Variants in UBAP2L observed in about 807,000 individuals in gnomAD.
The protein encoded by UBAP2L is ubiquitin-associated protein 2-like.
Under a neutral mutation model 130.6 loss-of-function variants are expected in UBAP2L, and 12 were observed. The observed-to-expected ratio is 0.09, with a 90% confidence interval of 0.06 to 0.15. The LOEUF (loss-of-function observed/expected upper bound fraction) is 0.15, where lower values mean the gene tolerates loss of function less well. UBAP2L is among the 10% of genes least tolerant of loss of function. The pLI is 1.00. For missense variants in UBAP2L, 965 were observed against 1,332.5 expected (o/e 0.72, Z 4.29); for synonymous variants, 503 against 524.7 (o/e 0.96, Z 0.57).
intron 12 of UBAP2L, 151 bp from the exon 13 acceptor site, chr1:154,250,890 C>A (rs961461698): frequency 3.2e-6 from 2 of 627,750 alleles, no homozygotes; most frequent in Non-Finnish European, 5.2e-6. Flanking sequence ...TGATTGTCAC[C>A]TATAGAAATG....
intron 2 of UBAP2L, 82 bp downstream of exon 2, chr1:154,225,295 C>T: frequency 6.8e-7 from 1 of 1,476,876 alleles, no homozygotes; most frequent in Non-Finnish European, 9.4e-7. Flanking sequence ...TCATTCTGTG[C>T]TTTGAACTGT....
chr1:154,268,925 C>A lies in UBAP2L; in HGVS notation c.3139C>A (p.Leu1047Ile). ...TPHQQPHSQI[L>I]HHHLQQDGQT... is the part of the protein sequence containing the mutation. Reference sequence around the variant, plus strand: ...CCATCAGCAGCCGCATTCTCAGATCCTTCACCATCACCTGCAGCAGGATGG... The same window carrying A: ...CCATCAGCAGCCGCATTCTCAGATCATTCACCATCACCTGCAGCAGGATGG... The change falls in exon 26 of 27, where the codon CTT becomes ATT. Residue 1047 changes from leucine (L) to isoleucine (I), a missense_variant. Transcript: ENST00000428931. 1.2e-6 allele frequency: 2 copies of A among 1,613,804 alleles called. No homozygotes were observed. Among genetic ancestry groups the A allele is most frequent in the Non-Finnish European group, 1.7e-6 (2 of 1,179,916 alleles).
intron 25 of UBAP2L, 68 bp from the exon 26 acceptor site, chr1:154,268,689 C>A: frequency 6.5e-7 from 1 of 1,529,910 alleles, no homozygotes; most frequent in Middle Eastern, 1.7e-4. Context: ...GGAGCTTGAG[C>A]TCAGGAAAAA....
chr1:154,236,493 C>T (rs1671728904), intron 6 of UBAP2L, 73 bp from the exon 7 acceptor site: 3 of 1,549,306 alleles, frequency 1.9e-6, no homozygotes, highest in Admixed American at 1.7e-5. Flanking sequence ...AGCCACTGTG[C>T]CTGCCTGGCA....
Position 154,270,482 on chromosome 1 carries a change from AT to A in UBAP2L, c.*188del, listed in dbSNP as rs1193620401. 1.4e-6 allele frequency: 2 copies of A among 1,463,224 alleles called. No homozygotes were observed. The highest frequency in any genetic ancestry group is 1.8e-6 in the Non-Finnish European group (2 of 1,113,520). 90.6% of individuals were successfully genotyped at this position (1,463,224 alleles called of 1,614,324 possible). A position where few individuals can be genotyped will look rare whatever the true frequency, so the allele number is the denominator to read the frequency against. ...CCATCCCCACCCTGTTGTATGTATT[AT>A]AGGATTTGTATTTTCTCCTTTTTTT... On this transcript the variant is annotated 3_prime_UTR_variant, in exon 27 of 27. Coordinates refer to ENST00000428931, the MANE Select transcript of UBAP2L (RefSeq NM_014847.4).
intron 7 of UBAP2L, 113 bp from the exon 8 acceptor site, chr1:154,236,909 ATG>A (rs2148660361): frequency 1.3e-6 from 1 of 791,028 alleles, no homozygotes; most frequent in Admixed American, 2.6e-5. Context: ...GGATTATAGA[ATG>A]GGGCCATGAC....
rs912405699 is a variant in UBAP2L, at chr1:154,254,479, C to T, written c.1855-357C>T. Among the ~76,000 whole-genome samples the T allele has an allele frequency of 2.3e-4, 35 of 152,122 alleles. 1 individual carries two copies. The highest frequency in any genetic ancestry group is 7.7e-4 in the East Asian group (4 of 5,192). The stretch of plus-strand genomic sequence containing the variant: ...TGGAGTGAGTGTCAGATGCAGCCAG[C>T]GGAATAGGTGGTGTGGCTGAACTGT... On this transcript the variant is annotated intron_variant, in intron 15 of 26. Transcript: ENST00000428931.
chr1:154,268,051 G>A (rs1211212284), intron 25 of UBAP2L, among the ~76,000 whole-genome samples: 3 of 151,318 alleles, frequency 2.0e-5, no homozygotes, highest in Non-Finnish European at 2.9e-5. Context: ...CACCATGCCC[G>A]GGTAATTTTG....
chr1:154,246,861 TG>T (rs142220663), intron 11 of UBAP2L, among the ~76,000 whole-genome samples: 7,781 of 152,200 alleles, frequency 0.051, 681 homozygotes, highest in African/African-American at 0.18. Context: ...TCCATTTCTA[TG>T]TAAATAGGGA....
intron 1 of UBAP2L, among the ~76,000 whole-genome samples, chr1:154,221,651 G>C (rs1164308265): frequency 1.3e-5 from 2 of 152,214 alleles, no homozygotes. Flanking sequence ...TGAGGGGGGT[G>C]AGCCTCCCAT....
In UBAP2L at chr1:154,231,670, C is replaced by T. The variant is rs146080521; in HGVS notation, c.280-2921C>T. Among the ~76,000 whole-genome samples the T allele has an allele frequency of 9.6e-3, 1,465 of 152,224 alleles. 13 individuals are homozygous for T. The highest frequency in any genetic ancestry group is 0.014 in the Non-Finnish European group (929 of 68,012). Reference sequence around the variant, plus strand: ...TAAGTGAAATCATGTAATATTTGACCTTGTATGTCTAACTTACTTCACTTA... The same window carrying T: ...TAAGTGAAATCATGTAATATTTGACTTTGTATGTCTAACTTACTTCACTTA... On this transcript the variant is annotated intron_variant, in intron 4 of 26. Transcript: ENST00000428931.
intron 14 of UBAP2L, among the ~76,000 whole-genome samples, chr1:154,253,416 G>A (rs1338697964): frequency 7.4e-6 from 1 of 135,028 alleles, no homozygotes; most frequent in Non-Finnish European, 1.5e-5. Flanking sequence ...ATGGAGTCTC[G>A]CTCTGTCACC....
At chr1:154,254,959 T>C in intron 16 of UBAP2L, 69 bp downstream of exon 16, 1 of 1,549,022 alleles carries the variant, frequency 6.5e-7, no homozygotes, top group South Asian at 1.2e-5. Context: ...GATAATCCAT[T>C]AGTTCCCTTC....
intron 22 of UBAP2L, among the ~76,000 whole-genome samples, chr1:154,260,281 G>T (rs1681095526): frequency 6.6e-6 from 1 of 152,164 alleles, no homozygotes; most frequent in African/African-American, 2.4e-5. Flanking sequence ...GCCAAGGTGG[G>T]AGAATTGCTT....
At position 154,246,333 on chromosome 1, in the gene UBAP2L, A is replaced by G. The variant is rs1675466572; in HGVS notation, c.972A>G (p.Ile324Met). The G allele has an allele frequency of 1.2e-6, 2 of 1,613,366 alleles. No homozygotes were observed. The highest frequency in any genetic ancestry group is 1.7e-6 in the Non-Finnish European group (2 of 1,179,776). ...TCAGTAATTCGAAGCAGACTGCCAT[A>G]TCACAGCCTGCTTCAGGGAACACAT... ...LVFSNSKQTA[I>M]SQPASGNTFS... The change falls in exon 11 of 27, where the codon ATA becomes ATG. Residue 324 changes from isoleucine to methionine, a missense_variant. By Grantham distance (10) the Ile-to-Met change is conservative. Coordinates refer to ENST00000428931, the MANE Select transcript of UBAP2L (RefSeq NM_014847.4).
At position 154,255,640 on chromosome 1, in the gene UBAP2L, A is replaced by C. The variant is rs966441164; in HGVS notation, c.2085-43A>C. On this transcript the variant is annotated intron_variant, in intron 17 of 26. Coordinates refer to ENST00000428931, the MANE Select transcript of UBAP2L (RefSeq NM_014847.4). ...CTTGACTGAAGCTCCAGGTCACGTA[A>C]CTATAGCACTATGGCTGATGGCAGC... 5 of 1,599,728 alleles carry C rather than the reference A, an allele frequency of 3.1e-6. No individual in the cohort carries two copies. The African/African-American group carries it at 4.0e-5, about 13-fold the overall frequency.
At chr1:154,244,791 A>G (rs1674802470) in intron 10 of UBAP2L, among the ~76,000 whole-genome samples, 1 of 152,128 alleles carries the variant, frequency 6.6e-6, no homozygotes, top group African/African-American at 2.4e-5. Flanking sequence ...GAAGCTCTCC[A>G]AATCTTATTG....
chr1:154,239,982 C>T (rs79505546), intron 8 of UBAP2L, among the ~76,000 whole-genome samples: 1,702 of 152,206 alleles, frequency 0.011, 17 homozygotes, highest in Admixed American at 0.018. Flanking sequence ...AATATATTTT[C>T]CTCTAAGAAA....
At chr1:154,243,054 A>G (rs1674100546) in intron 9 of UBAP2L, 163 bp from the exon 10 acceptor site, 3 of 580,506 alleles carry the variant, frequency 5.2e-6, no homozygotes, top group South Asian at 2.1e-5. Flanking sequence ...TTGAGCATAT[A>G]TTGAAGGGCT....
Sources: gnomAD v4.1 joint callset for allele counts (sites outside exome capture counted in the v4.1 genomes callset) on GRCh38, gnomAD v4.1.1 for gene constraint, MANE v1.5 for transcripts, NCBI Gene and HGNC (gene_info 2026-07-23, HGNC 2026-07-21) for gene names.